COG5: variants seen among roughly 807,000 people sequenced by gnomAD.
The protein encoded by COG5 is conserved oligomeric Golgi complex subunit 5.
A neutral mutation model predicts 110.4 loss-of-function variants in COG5; 86 were observed. That is an observed-to-expected ratio of 0.78 (90% confidence interval 0.65 to 0.93). The LOEUF (loss-of-function observed/expected upper bound fraction) is 0.93. Ranked by LOEUF, COG5 falls within the 40% of genes least tolerant of loss-of-function variation. COG5 has a pLI of 0.00. For missense variants in COG5, 1,077 were observed against 987.0 expected, an observed-to-expected ratio of 1.09 and a Z score of -1.22; for synonymous variants, 360 against 334.6, an observed-to-expected ratio of 1.08 and a Z score of -0.83.
At chr7:107,453,036 T>C (rs529071608) in intron 6 of COG5, among the ~76,000 whole-genome samples, 2 of 152,348 alleles carry the variant, frequency 1.3e-5, no homozygotes, top group Non-Finnish European at 2.9e-5. Context: ...TGTATTCATC[T>C]GCATCTTTTA....
At chr7:107,243,674 A>G (rs1801830922) in intron 17 of COG5, among the ~76,000 whole-genome samples, 1 of 152,116 alleles carries the variant, frequency 6.6e-6, no homozygotes, top group Non-Finnish European at 1.5e-5. Context: ...AATGCAACTG[A>G]TAGACCTTTA....
intron 12 of COG5, among the ~76,000 whole-genome samples, chr7:107,295,081 A>C (rs1362129557): frequency 8.1e-5 from 5 of 61,858 alleles, no homozygotes; most frequent in Non-Finnish European, 1.2e-4. Flanking sequence ...ATATATATAT[A>C]TATATATATA....
rs150064929 is a variant in COG5 at position 107,390,987 on chromosome 7, G to C, written c.670-18227C>G. 2.9e-3 allele frequency among the ~76,000 whole-genome samples: 442 copies of C among 152,032 alleles called. 3 individuals are homozygous for C. Among genetic ancestry groups the C allele is most frequent in the African/African-American group, 0.01 (417 of 41,454 alleles). ...CTAATCCTCTTTGAGCTATAGCAAGGTAATTAACATAGGAATGTAAAGGGG... is the reference window on the plus strand; with the variant it reads ...CTAATCCTCTTTGAGCTATAGCAAGCTAATTAACATAGGAATGTAAAGGGG... On this transcript the variant is annotated intron_variant, in intron 7 of 21. Coordinates refer to ENST00000297135, the MANE Select transcript of COG5 (RefSeq NM_006348.5).
At chr7:107,371,174 A>G (rs974438859) in intron 8 of COG5, among the ~76,000 whole-genome samples, 3 of 152,222 alleles carry the variant, frequency 2.0e-5, no homozygotes, top group Admixed American at 2.0e-4. Flanking sequence ...ACCTATTCAG[A>G]GGCTAGGCCT....
chr7:107,376,392 T>C lies in COG5; in HGVS notation c.670-3632A>G, dbSNP rs149419502. Among the ~76,000 whole-genome samples, 867 of 152,146 alleles carry C rather than the reference T, an allele frequency of 5.7e-3. 9 individuals are homozygous for C. The highest frequency in any genetic ancestry group is 0.019 in the African/African-American group (810 of 41,572). The stretch of plus-strand genomic sequence containing the variant: ...AGAAATAATGGATATCTTTGTAATA[T>C]TGAGTTCTCAAATCCATGAATATGG... On this transcript the variant is annotated intron_variant, in intron 7 of 21. Transcript: ENST00000297135.
chr7:107,553,730 T>C (rs1227639200), intron 3 of COG5, among the ~76,000 whole-genome samples: 1 of 152,206 alleles, frequency 6.6e-6, no homozygotes, highest in Non-Finnish European at 1.5e-5. Flanking sequence ...TACTTGACTA[T>C]ATTTTCATTA....
At position 107,548,193 on chromosome 7, in the gene COG5, AGAG is replaced by A; in HGVS notation, c.348-16_348-14del. 6.2e-7 allele frequency: 1 copy of A among 1,611,410 alleles called. No individual in the cohort carries two copies. Among genetic ancestry groups the A allele is most frequent in the Non-Finnish European group, 8.5e-7 (1 of 1,177,548 alleles). ...TTTTGCTTTTATCCTACAGGAAAAGAGAGGAGTGAGAATAAAATCATTTTCAGA... is the reference window on the plus strand; with the variant it reads ...TTTTGCTTTTATCCTACAGGAAAAGAGAGTGAGAATAAAATCATTTTCAGA... On this transcript the variant is annotated splice_polypyrimidine_tract_variant and intron_variant, in intron 4 of 21. Transcript: ENST00000297135.
chr7:107,370,104 C>T (rs534699213), intron 8 of COG5, among the ~76,000 whole-genome samples: 14 of 151,710 alleles, frequency 9.2e-5, no homozygotes, highest in South Asian at 2.1e-4. Context: ...TATATATGTG[C>T]GTGTGTGTAT....
intron 21 of COG5, chr7:107,209,262 T>TA: frequency 1.2e-5 from 12 of 984,076 alleles, no homozygotes; most frequent in Non-Finnish European, 1.3e-5. Context: ...GTTTGAGGAA[T>TA]AAGGATGACA....
At chr7:107,293,357 G>C (rs147758504) in intron 12 of COG5, among the ~76,000 whole-genome samples, 242 of 152,236 alleles carry the variant, frequency 1.6e-3, no homozygotes, top group African/African-American at 5.5e-3. Context: ...CCCAGGAAGA[G>C]AGCCTTCCAG....
rs1809589810 is a variant in COG5, at chr7:107,324,479, T to C, written c.1069A>G (p.Thr357Ala). ...EIFYTFWNSV[T>A]QALSSQFHMA... is the part of the protein sequence containing the mutation. ...TGAAATTGAGAAGAAAGTGCCTGAG[T>C]AACTGAATTCCAAAATGTGTAGAAA... Residue 357 changes from threonine to alanine, a missense_variant, in exon 11 of 22, where the codon ACT (threonine) becomes GCT (alanine). By Grantham distance (58) the Thr-to-Ala change is moderately conservative. Transcript: ENST00000297135. 1.9e-6 allele frequency: 3 copies of C among 1,606,444 alleles called. No homozygotes were observed. The Admixed American group carries it at 5.0e-5, about 27-fold the overall frequency.
chr7:107,559,006 T>C (rs1190928673), intron 1 of COG5, among the ~76,000 whole-genome samples: 1 of 145,210 alleles, frequency 6.9e-6, no homozygotes, highest in Non-Finnish European at 1.5e-5. Flanking sequence ...AACAGGAAAA[T>C]TGACTCTATA....
At chr7:107,221,286 GT>G (rs933436365) in intron 19 of COG5, among the ~76,000 whole-genome samples, 1 of 151,942 alleles carries the variant, frequency 6.6e-6, no homozygotes, top group Non-Finnish European at 1.5e-5. Context: ...AGGGGTGGGG[GT>G]GGGGTTCAGC....
At chr7:107,393,514 CATA>C (rs1381630849) in intron 7 of COG5, among the ~76,000 whole-genome samples, 1 of 152,168 alleles carries the variant, frequency 6.6e-6, no homozygotes, top group African/African-American at 2.4e-5. Flanking sequence ...TGATAAGTAG[CATA>C]ATGCTAACTT....
rs190102634 is a variant in COG5 at position 107,239,994 on chromosome 7, C to T, written c.1854-3307G>A. Among the ~76,000 whole-genome samples the T allele has an allele frequency of 2.2e-4, 33 of 152,326 alleles. No individual in the cohort carries two copies. In the East Asian group the frequency reaches 6.4e-3, roughly 29 times the overall value. On this transcript the variant is annotated intron_variant, in intron 17 of 21. Coordinates refer to ENST00000297135, the MANE Select transcript of COG5 (RefSeq NM_006348.5). ...CTTCCACAAAGGGGCTCATCTATCA[C>T]TTTAATAATGTAGAGTTCTTCTTTC...
intron 19 of COG5, among the ~76,000 whole-genome samples, chr7:107,220,491 T>G (rs1202980458): frequency 6.6e-6 from 1 of 152,252 alleles, no homozygotes; most frequent in African/African-American, 2.4e-5. Context: ...TGGGTTGGAA[T>G]GATGACGAGG....
chr7:107,516,984 G>A (rs550575069), intron 6 of COG5, among the ~76,000 whole-genome samples: 6 of 152,282 alleles, frequency 3.9e-5, no homozygotes, highest in Non-Finnish European at 8.8e-5. Context: ...CAGCAAGGGC[G>A]CAGAACTGGA....
chr7:107,325,779 A>C (rs1809716044), intron 10 of COG5, among the ~76,000 whole-genome samples: 1 of 152,200 alleles, frequency 6.6e-6, no homozygotes, highest in Admixed American at 6.5e-5. Context: ...ACCAATGAAA[A>C]ATACTGATTT....
At chr7:107,471,401 A>G (rs1366505481) in intron 6 of COG5, 1 of 152,048 alleles carries the variant, frequency 6.6e-6, no homozygotes, top group Non-Finnish European at 1.5e-5. Context: ...AGTATTTACA[A>G]CTGACAATAT....
Sources: allele counts gnomAD v4.1 joint callset (sites outside exome capture counted in the v4.1 genomes callset), GRCh38; gene constraint gnomAD v4.1.1; transcripts MANE v1.5; gene names NCBI Gene and HGNC (gene_info 2026-07-23, HGNC 2026-07-21).